SPAG16: variants seen among roughly 807,000 people sequenced by gnomAD.
The protein encoded by SPAG16 is sperm-associated antigen 16 protein.
In SPAG16, 86 loss-of-function variants were observed where a neutral mutation model predicts 80.4. The observed-to-expected ratio is 1.07, with a 90% CI of 0.90 to 1.28. The LOEUF is 1.28. SPAG16 is among the 50% of genes most tolerant of loss of function. The pLI, the probability that SPAG16 is intolerant of heterozygous loss-of-function variation, is 0.00. For missense variants in SPAG16, 870 were observed against 765.3 expected (o/e 1.14, Z -1.61); for synonymous variants, 294 against 265.9 (o/e 1.11, Z -1.03).
At chr2:213,602,404 C>T (rs552910025) in intron 10 of SPAG16, among the ~76,000 whole-genome samples, 4 of 152,274 alleles carry the variant, frequency 2.6e-5, no homozygotes, top group East Asian at 3.9e-4. Context: ...GAGGCTGAGG[C>T]GGGCAGATCA....
chr2:213,520,117 G>C (rs2075603024), intron 10 of SPAG16, among the ~76,000 whole-genome samples: 1 of 151,760 alleles, frequency 6.6e-6, no homozygotes, highest in Admixed American at 6.6e-5. Context: ...AGAATGCTAA[G>C]TGATGACAGA....
chr2:214,011,042 A>T (rs115433427), intron 12 of SPAG16, among the ~76,000 whole-genome samples: 4,900 of 145,564 alleles, frequency 0.034, 1,021 homozygotes, highest in African/African-American at 0.13. Flanking sequence ...ACTTTCAGCA[A>T]TGCCTTTAGT....
chr2:213,560,731 C>T (rs191623366), intron 10 of SPAG16, among the ~76,000 whole-genome samples: 235 of 152,226 alleles, frequency 1.5e-3, no homozygotes, highest in Non-Finnish European at 2.7e-3. Context: ...TTCCTTGTTC[C>T]ACTTCCTACT....
chr2:213,469,800 C>T (rs1656422734), intron 9 of SPAG16, among the ~76,000 whole-genome samples: 1 of 151,896 alleles, frequency 6.6e-6, no homozygotes, highest in Admixed American at 6.6e-5. Context: ...CTTGATAGTC[C>T]AGGTCAATCA....
At chr2:213,346,625 C>T (rs976009749) in intron 6 of SPAG16, among the ~76,000 whole-genome samples, 7 of 152,138 alleles carry the variant, frequency 4.6e-5, no homozygotes, top group Non-Finnish European at 1.0e-4. Context: ...CTTTTCTGCT[C>T]TAATGAGATA....
chr2:214,153,559 G>A (rs935449186), intron 15 of SPAG16, among the ~76,000 whole-genome samples: 13 of 152,108 alleles, frequency 8.5e-5, no homozygotes, highest in Admixed American at 4.6e-4. Context: ...TCCTAGTGCT[G>A]AAGGGGTCTG....
intron 10 of SPAG16, among the ~76,000 whole-genome samples, chr2:213,765,595 G>A (rs1190404182): frequency 1.5e-5 from 1 of 65,320 alleles, no homozygotes; most frequent in South Asian, 3.1e-4. Context: ...ACAATGTCAC[G>A]TGTGTGTGTG....
intron 12 of SPAG16, among the ~76,000 whole-genome samples, chr2:213,984,682 G>C (rs1368141671): frequency 2.0e-5 from 3 of 152,022 alleles, no homozygotes; most frequent in Non-Finnish European, 4.4e-5. Flanking sequence ...TGAAGCAAAG[G>C]GTGCAGCAGA....
intron 6 of SPAG16, among the ~76,000 whole-genome samples, chr2:213,344,704 T>C (rs1156236243): frequency 2.0e-5 from 3 of 152,270 alleles, no homozygotes; most frequent in Admixed American, 2.0e-4. Flanking sequence ...ACAAAGGACA[T>C]GAACTCATCA....
intron 11 of SPAG16, among the ~76,000 whole-genome samples, chr2:213,898,285 T>C (rs1393385785): frequency 2.6e-5 from 4 of 152,312 alleles, no homozygotes; most frequent in East Asian, 1.9e-4. Context: ...CTAAGAGCCA[T>C]TGGGCACTTG....
At chr2:213,854,602 C>G (rs145931175) in intron 10 of SPAG16, among the ~76,000 whole-genome samples, 1 of 152,278 alleles carries the variant, frequency 6.6e-6, no homozygotes, top group East Asian at 1.9e-4. Flanking sequence ...GTGTCTAGCA[C>G]CATTCTAAGT....
In SPAG16 at chr2:213,747,423, C is replaced by T. The variant is rs544365123; in HGVS notation, c.1071-115062C>T. ...TTTATAAAGTCGATAGTAATGTACA[C>T]TAGCGTCCTAGGCCTTCACATTTAC... is the stretch of plus-strand genomic sequence containing the variant. On this transcript the variant is annotated intron_variant, in intron 10 of 15. Coordinates refer to ENST00000331683, the MANE Select transcript of SPAG16 (RefSeq NM_024532.5). Among the ~76,000 whole-genome samples, 4 of 152,298 alleles carry T rather than the reference C, an allele frequency of 2.6e-5. No individual in the cohort carries two copies. The East Asian group carries it at 5.8e-4, about 22-fold the overall frequency.
intron 9 of SPAG16, among the ~76,000 whole-genome samples, chr2:213,387,025 T>A (rs942857550): frequency 6.6e-5 from 10 of 152,168 alleles, no homozygotes; most frequent in African/African-American, 2.4e-4. Context: ...TTTCAGTGTG[T>A]CAACATATTA....
rs1053292476 is a variant in SPAG16, at chr2:214,146,329, A to G, written c.1594-2811A>G. ...AAGGAGATTGGCAGATGGCCCTCCAATTTTCCTGAAATGGGAGAAAGAAGA... is the reference window on the plus strand; with the variant it reads ...AAGGAGATTGGCAGATGGCCCTCCAGTTTTCCTGAAATGGGAGAAAGAAGA... On this transcript the variant is annotated intron_variant, in intron 14 of 15. Transcript: ENST00000331683. 2.6e-5 allele frequency among the ~76,000 whole-genome samples: 4 copies of G among 152,212 alleles called. No individual in the cohort carries two copies. The South Asian group carries it at 8.3e-4, about 32-fold the overall frequency.
intron 10 of SPAG16, among the ~76,000 whole-genome samples, chr2:213,839,359 TC>T (rs1274603081): frequency 1.3e-5 from 2 of 152,338 alleles, no homozygotes; most frequent in East Asian, 1.9e-4. Context: ...ATGTATTTTT[TC>T]CTCTCTACAT....
rs149230867 is a variant in SPAG16 at position 213,894,436 on chromosome 2, A to C, written c.1214+31808A>C. Among the ~76,000 whole-genome samples the C allele has an allele frequency of 2.6e-5, 4 of 152,276 alleles. No homozygotes were observed. The East Asian group carries it at 7.7e-4, about 29-fold the overall frequency. ...TCATCAAAATGGATGTAGAAGGAAC[A>C]TGCCTCAAAATAATAAAGGCTGCAT... On this transcript the variant is annotated intron_variant, in intron 11 of 15. Coordinates refer to ENST00000331683, the MANE Select transcript of SPAG16 (RefSeq NM_024532.5).
chr2:213,935,053 T>A (rs12464393), intron 12 of SPAG16, among the ~76,000 whole-genome samples: 6,927 of 151,750 alleles, frequency 0.046, 179 homozygotes, highest in South Asian at 0.11. Flanking sequence ...ATACAAAAAA[T>A]TACCTGGGCG....
At chr2:214,269,638 T>C (rs1446501772) in intron 15 of SPAG16, among the ~76,000 whole-genome samples, 3 of 152,116 alleles carry the variant, frequency 2.0e-5, no homozygotes, top group African/African-American at 4.8e-5. Flanking sequence ...ATAAGAATTA[T>C]ATTGCATGTA....
intron 9 of SPAG16, among the ~76,000 whole-genome samples, chr2:213,427,012 G>T (rs2069974303): frequency 6.6e-6 from 1 of 151,676 alleles, no homozygotes; most frequent in South Asian, 2.1e-4. Context: ...AAGATTATAG[G>T]TTTATTTCGC....
Sources: gnomAD v4.1 joint callset for allele counts (sites outside exome capture counted in the v4.1 genomes callset) on GRCh38, gnomAD v4.1.1 for gene constraint, MANE v1.5 for transcripts, NCBI Gene and HGNC (gene_info 2026-07-23, HGNC 2026-07-21) for gene names.